Variants in STARD13 observed in about 807,000 individuals in gnomAD.
The protein encoded by STARD13 is stAR-related lipid transfer protein 13.
STARD13 carries 62 observed loss-of-function variants against 106.4 expected under a neutral mutation model. The ratio of observed to expected loss-of-function variants is 0.58; its 90% confidence interval spans 0.48 to 0.72. STARD13 has a LOEUF of 0.72. STARD13 is among the 30% of genes least tolerant of loss of function. The pLI, the probability that STARD13 is intolerant of heterozygous loss-of-function variation, is 0.00. For synonymous variants in STARD13, 565 were observed against 553.0 expected, an observed-to-expected ratio of 1.02 and a Z score of -0.31; for missense variants, 1,387 against 1,424.0, an observed-to-expected ratio of 0.97 and a Z score of 0.42.
chr13:33,494,737 A>C, the STARD13 span, among the ~76,000 whole-genome samples: 1 of 150,232 alleles, frequency 6.7e-6, no homozygotes, highest in Admixed American at 6.6e-5. Flanking sequence ...TTTTTTTTTT[A>C]TTTCACTATA....
the STARD13 span, among the ~76,000 whole-genome samples, chr13:33,360,695 A>T: frequency 1.5e-5 from 2 of 134,578 alleles, no homozygotes; most frequent in Admixed American, 7.3e-5. Context: ...TTCTGTGTAG[A>T]CAGAAGGAAT....
chr13:33,315,055 CTG>C (rs1221003158), intron 1 of STARD13, among the ~76,000 whole-genome samples: 1 of 152,128 alleles, frequency 6.6e-6, no homozygotes, highest in Non-Finnish European at 1.5e-5. Flanking sequence ...TGTGTGTCCT[CTG>C]TAACATCCTT....
chr13:33,566,192 A>G, the STARD13 span, among the ~76,000 whole-genome samples: 1 of 148,540 alleles, frequency 6.7e-6, no homozygotes, highest in African/African-American at 2.5e-5. Context: ...GAGAGAGGCC[A>G]CATTCACATA....
chr13:33,352,194 C>T (rs1396486506), upstream of STARD13, among the ~76,000 whole-genome samples: 1 of 152,182 alleles, frequency 6.6e-6, no homozygotes, highest in Non-Finnish European at 1.5e-5. Flanking sequence ...GCTTTCTGGA[C>T]ACAAGCCAAA....
intron 3 of STARD13, among the ~76,000 whole-genome samples, chr13:33,162,931 T>A (rs1882802911): frequency 6.6e-6 from 1 of 152,152 alleles, no homozygotes; most frequent in Admixed American, 6.5e-5. Flanking sequence ...CGGTACCAAT[T>A]TATTGTATTA....
chr13:33,323,057 G>C (rs11839173), intron 1 of STARD13, among the ~76,000 whole-genome samples: 1 of 151,946 alleles, frequency 6.6e-6, no homozygotes, highest in South Asian at 2.1e-4. Context: ...TTTTTCCTCC[G>C]GCCAGAAAAT....
At chr13:33,673,505 G>GT in the STARD13 span, among the ~76,000 whole-genome samples, 2 of 149,918 alleles carry the variant, frequency 1.3e-5, no homozygotes, top group Admixed American at 6.7e-5. Flanking sequence ...ATATACATTA[G>GT]TTTTTTTTCT....
At chr13:33,653,199 A>C in the STARD13 span, among the ~76,000 whole-genome samples, 2 of 152,186 alleles carry the variant, frequency 1.3e-5, no homozygotes, top group Non-Finnish European at 2.9e-5. Flanking sequence ...GGAGAAATTC[A>C]AGTGATACAG....
chr13:33,279,874 T>A (rs893633059), intron 1 of STARD13: 2 of 152,154 alleles, frequency 1.3e-5, no homozygotes, highest in African/African-American at 4.8e-5. Flanking sequence ...TAATTTTGGT[T>A]AAACAGTATC....
At chr13:33,298,621 A>G (rs535452436) in intron 1 of STARD13, among the ~76,000 whole-genome samples, 1 of 152,314 alleles carries the variant, frequency 6.6e-6, no homozygotes, top group South Asian at 2.1e-4. Flanking sequence ...ATGTGCATAT[A>G]CATGTATATA....
chr13:33,466,159 A>G, the STARD13 span, among the ~76,000 whole-genome samples: 2 of 152,342 alleles, frequency 1.3e-5, no homozygotes, highest in African/African-American at 4.8e-5. Context: ...AGTGCTCAGT[A>G]TATCCTAATT....
At chr13:33,136,822 C>T (rs997000443) in intron 4 of STARD13, among the ~76,000 whole-genome samples, 25 of 152,134 alleles carry the variant, frequency 1.6e-4, no homozygotes, top group Non-Finnish European at 3.2e-4. Flanking sequence ...TGATGTGGGA[C>T]AAGAACCTGG....
At chr13:33,439,945 G>A in the STARD13 span, among the ~76,000 whole-genome samples, 1,174 of 152,260 alleles carry the variant, frequency 7.7e-3, 10 homozygotes, top group African/African-American at 0.027. Context: ...TGGGGAAGAC[G>A]CATTAAATGT....
At chr13:33,440,827 G>C in the STARD13 span, among the ~76,000 whole-genome samples, 4 of 139,324 alleles carry the variant, frequency 2.9e-5, no homozygotes, top group Non-Finnish European at 6.1e-5. Context: ...CCAAGGCCAG[G>C]CTGGTCTCGA....
intron 1 of STARD13, among the ~76,000 whole-genome samples, chr13:33,310,718 G>T (rs1893098196): frequency 6.6e-6 from 1 of 152,100 alleles, no homozygotes; most frequent in African/African-American, 2.4e-5. Context: ...CTCAGAGGCA[G>T]CAGGATGTAG....
chr13:33,646,438 G>C, the STARD13 span, among the ~76,000 whole-genome samples: 173 of 152,322 alleles, frequency 1.1e-3, no homozygotes, highest in African/African-American at 4.0e-3. Flanking sequence ...GTTCAGTATA[G>C]AGGAATACAA....
the STARD13 span, among the ~76,000 whole-genome samples, chr13:33,521,993 A>C: frequency 6.6e-6 from 1 of 152,076 alleles, no homozygotes; most frequent in South Asian, 2.1e-4. Flanking sequence ...TTCCTTTTTA[A>C]CTTTCATTGT....
intron 4 of STARD13, chr13:33,138,713 G>C (rs1879404399): frequency 2.9e-6 from 1 of 340,398 alleles, no homozygotes; most frequent in Non-Finnish European, 5.9e-6. Flanking sequence ...GCAGGCGGCA[G>C]AAGTGCTGGT....
At chr13:33,644,467 G>A in the STARD13 span, among the ~76,000 whole-genome samples, 5 of 152,030 alleles carry the variant, frequency 3.3e-5, no homozygotes, top group Admixed American at 6.6e-5. Context: ...TTTGCACAGC[G>A]CACACACAGA....
Sources: gnomAD v4.1 joint callset for allele counts (sites outside exome capture counted in the v4.1 genomes callset) on GRCh38, gnomAD v4.1.1 for gene constraint, MANE v1.5 for transcripts, NCBI Gene and HGNC (gene_info 2026-07-23, HGNC 2026-07-21) for gene names.